UBXN2B: variants seen among roughly 807,000 people sequenced by gnomAD.
UBXN2B encodes the protein UBX domain protein 2B, also known as UBX domain-containing protein 2B.
In UBXN2B, 19 loss-of-function variants were observed where a neutral mutation model predicts 37.5. The ratio of observed to expected loss-of-function variants is 0.51; its 90% CI spans 0.35 to 0.74. UBXN2B has a LOEUF of 0.74. Ranked by LOEUF, UBXN2B falls within the 30% of genes least tolerant of loss-of-function variation. UBXN2B has a pLI of 0.01. For synonymous variants in UBXN2B, 145 were observed against 143.8 expected, an observed-to-expected ratio of 1.01 and a Z score of -0.06; for missense variants, 370 against 393.2, an observed-to-expected ratio of 0.94 and a Z score of 0.50.
At chr8:58,419,381 G>C (rs1807867240) in intron 2 of UBXN2B, among the ~76,000 whole-genome samples, 1 of 152,136 alleles carries the variant, frequency 6.6e-6, no homozygotes, top group African/African-American at 2.4e-5. Context: ...AATCAAAACA[G>C]TTATTGTCTC....
chr8:58,444,467 T>C (rs1808622614), intron 6 of UBXN2B, among the ~76,000 whole-genome samples: 1 of 152,210 alleles, frequency 6.6e-6, no homozygotes, highest in Non-Finnish European at 1.5e-5. Flanking sequence ...AGAACCATGC[T>C]GTTAACACTG....
intron 2 of UBXN2B, chr8:58,426,005 T>G: frequency 4.8e-6 from 7 of 1,445,740 alleles, no homozygotes; most frequent in South Asian, 1.1e-5. Flanking sequence ...TTTCTCTGCT[T>G]CTTTCCCAGA....
chr8:58,416,049 G>A lies in UBXN2B; in HGVS notation c.85-801G>A, dbSNP rs115612494. On this transcript the variant is annotated intron_variant, in intron 1 of 7. Coordinates refer to ENST00000399598, the MANE Select transcript of UBXN2B (RefSeq NM_001077619.2). ...GGTTTTTTTGTTTGTTTGTTTTTTG[G>A]GTTTTTTTTGAAAAAAACAAAAAAA... 2.8e-3 allele frequency among the ~76,000 whole-genome samples: 420 copies of A among 148,806 alleles called. 4 individuals are homozygous for A. Among genetic ancestry groups the A allele is most frequent in the African/African-American group, 0.01 (407 of 40,340 alleles).
chr8:58,423,460 G>T (rs1197470858), intron 2 of UBXN2B, among the ~76,000 whole-genome samples: 2 of 151,102 alleles, frequency 1.3e-5, no homozygotes, highest in Non-Finnish European at 1.5e-5. Flanking sequence ...TTTTGACACG[G>T]AGTCTTGCAC....
chr8:58,427,854 G>T (rs1808143937), intron 2 of UBXN2B, among the ~76,000 whole-genome samples: 1 of 152,302 alleles, frequency 6.6e-6, no homozygotes, highest in Admixed American at 6.5e-5. Context: ...AGCTTAAATA[G>T]AGGGGAATTG....
In UBXN2B at chr8:58,441,349, A is replaced by ATATATATATATATATATATGTATGTG. The variant is rs1491164055; in HGVS notation, c.671+1589_671+1614dup. Among the ~76,000 whole-genome samples, 149 of 25,058 alleles carry ATATATATATATATATATATGTATGTG rather than the reference A, an allele frequency of 5.9e-3. 6 individuals carry two copies. Among genetic ancestry groups the ATATATATATATATATATATGTATGTG allele is most frequent in the Middle Eastern group, 0.033 (2 of 60 alleles). 16.4% of individuals were successfully genotyped at this position (25,058 alleles called of 152,430 possible). ...TTTTACTCCTCTTGTTGTGATCAAC[A>ATATATATATATATATATATGTATGTG]TATATATATATATATATATGTATGT... On this transcript the variant is annotated intron_variant, in intron 6 of 7. Coordinates refer to ENST00000399598, the MANE Select transcript of UBXN2B (RefSeq NM_001077619.2).
chr8:58,415,571 A>G (rs1807755407), intron 1 of UBXN2B, among the ~76,000 whole-genome samples: 3 of 152,194 alleles, frequency 2.0e-5, no homozygotes, highest in South Asian at 2.1e-4. Flanking sequence ...AATCATTACT[A>G]AACATTTAAG....
rs1993453 is a variant in UBXN2B at position 58,434,625 on chromosome 8, A to G, written c.533+121A>G. Reference sequence around the variant, plus strand: ...GTAGTTCCTGGAATATATTAAATAAATGGTTGCTGGGGGTGTAGGTATTCT... The same window carrying G: ...GTAGTTCCTGGAATATATTAAATAAGTGGTTGCTGGGGGTGTAGGTATTCT... On this transcript the variant is annotated intron_variant, in intron 5 of 7. Transcript: ENST00000399598. The G allele has an allele frequency of 0.67, 617,644 of 916,336 alleles. 210,262 individuals are homozygous for G. Among genetic ancestry groups the G allele is most frequent in the East Asian group, 0.81 (29,026 of 35,704 alleles). 56.8% of individuals were successfully genotyped at this position (916,336 alleles called of 1,614,324 possible).
At chr8:58,441,478 T>G (rs1304860330) in intron 6 of UBXN2B, among the ~76,000 whole-genome samples, 2 of 151,800 alleles carry the variant, frequency 1.3e-5, no homozygotes, top group Admixed American at 6.6e-5. Flanking sequence ...GATTTTTAAT[T>G]AGAATGCAGA....
At chr8:58,418,809 T>G (rs1332071394) in intron 2 of UBXN2B, among the ~76,000 whole-genome samples, 3 of 152,214 alleles carry the variant, frequency 2.0e-5, no homozygotes, top group African/African-American at 4.8e-5. Context: ...TTTAGCTGCT[T>G]CTTTAATTTG....
intron 1 of UBXN2B, among the ~76,000 whole-genome samples, chr8:58,411,871 T>G (rs1343733239): frequency 1.3e-5 from 2 of 152,176 alleles, no homozygotes; most frequent in Non-Finnish European, 2.9e-5. Flanking sequence ...CTTTTTTGTC[T>G]TGGATGCTAT....
chr8:58,436,370 C>T (rs769319066), intron 5 of UBXN2B, among the ~76,000 whole-genome samples: 1 of 152,186 alleles, frequency 6.6e-6, no homozygotes, highest in African/African-American at 2.4e-5. Context: ...GTTTTAGGAT[C>T]AGACAGTATT....
rs1471254155 is a variant in UBXN2B at position 58,447,610 on chromosome 8, A to G, written c.*59A>G. The G allele has an allele frequency of 9.2e-6, 13 of 1,409,536 alleles. No individual in the cohort carries two copies. The highest frequency in any genetic ancestry group is 2.4e-5 in the East Asian group (1 of 41,808). 87.3% of individuals were successfully genotyped at this position (1,409,536 alleles called of 1,614,324 possible). ...TAGATGATGTGCCGTATTAATAAGG[A>G]CAATACTTCAGCATTAAAAACAGCC... On this transcript the variant is annotated 3_prime_UTR_variant, in exon 8 of 8. Coordinates refer to ENST00000399598, the MANE Select transcript of UBXN2B (RefSeq NM_001077619.2).
At chr8:58,436,805 C>T (rs898181045) in intron 5 of UBXN2B, among the ~76,000 whole-genome samples, 3 of 152,202 alleles carry the variant, frequency 2.0e-5, no homozygotes, top group Non-Finnish European at 4.4e-5. Context: ...ATTGTAAGTT[C>T]CCTGCGGCTT....
At chr8:58,432,623 C>T (rs911872188) in intron 3 of UBXN2B, among the ~76,000 whole-genome samples, 1 of 152,050 alleles carries the variant, frequency 6.6e-6, no homozygotes, top group Non-Finnish European at 1.5e-5. Flanking sequence ...ACCTCGTGAT[C>T]CGCCTGCCTC....
intron 2 of UBXN2B, chr8:58,425,017 G>GC: frequency 1.3e-6 from 1 of 782,642 alleles, no homozygotes; most frequent in Non-Finnish European, 2.4e-6. Context: ...GACTGGCCTT[G>GC]CATGCATGAT....
intron 6 of UBXN2B, among the ~76,000 whole-genome samples, chr8:58,443,439 A>T (rs756794820): frequency 1.3e-5 from 2 of 152,104 alleles, no homozygotes; most frequent in Non-Finnish European, 2.9e-5. Context: ...GATCAATTGA[A>T]TGATAGGGAG....
chr8:58,426,462 C>T (rs1359508796), intron 2 of UBXN2B: 1 of 677,452 alleles, frequency 1.5e-6, no homozygotes, highest in East Asian at 2.8e-5. Context: ...CCCTCCTCAG[C>T]CTCCCAAAGT....
intron 6 of UBXN2B, among the ~76,000 whole-genome samples, chr8:58,441,613 T>G (rs970228568): frequency 6.6e-6 from 1 of 152,014 alleles, no homozygotes; most frequent in Non-Finnish European, 1.5e-5. Flanking sequence ...AGACTTGGAA[T>G]TGAAGAAGGT....
Sources: gnomAD v4.1 joint callset for allele counts (sites outside exome capture counted in the v4.1 genomes callset) on GRCh38, gnomAD v4.1.1 for gene constraint, MANE v1.5 for transcripts, NCBI Gene and HGNC (gene_info 2026-07-23, HGNC 2026-07-21) for gene names.